ELP4: variants seen among roughly 807,000 people sequenced by gnomAD.
ELP4 encodes the protein elongator complex protein 4.
In ELP4, 51 loss-of-function variants were observed where a neutral mutation model predicts 48.9. The observed-to-expected ratio is 1.04, with a 90% CI of 0.83 to 1.32. The LOEUF (loss-of-function observed/expected upper bound fraction) is 1.32, where lower values mean the gene tolerates loss of function less well. ELP4 is among the 40% of genes most tolerant of loss of function. ELP4 has a pLI of 0.00. For synonymous variants in ELP4, 210 were observed against 189.2 expected, an observed-to-expected ratio of 1.11 and a Z score of -0.90; for missense variants, 519 against 514.6, an observed-to-expected ratio of 1.01 and a Z score of -0.08.
intron 9 of ELP4, among the ~76,000 whole-genome samples, chr11:31,662,307 A>T (rs138055572): frequency 6.6e-6 from 1 of 152,252 alleles, no homozygotes; most frequent in East Asian, 1.9e-4. Flanking sequence ...TCACATTCCA[A>T]TCATTTCATT....
At chr11:31,783,343 T>C in intron 9 of ELP4, 50 bp from the exon 10 acceptor site, 1 of 1,577,892 alleles carries the variant, frequency 6.3e-7, no homozygotes, top group South Asian at 1.1e-5. Context: ...CAAAATTAAT[T>C]TTTTTTCTTC....
chr11:31,719,323 T>A (rs1412942037), intron 9 of ELP4: 1 of 391,376 alleles, frequency 2.6e-6, no homozygotes, highest in Non-Finnish European at 4.5e-6. Context: ...CTGTGGTAGT[T>A]TGAAGTATGT....
intron 4 of ELP4, among the ~76,000 whole-genome samples, chr11:31,600,950 T>C (rs1957769484): frequency 6.6e-6 from 1 of 152,158 alleles, no homozygotes; most frequent in Non-Finnish European, 1.5e-5. Flanking sequence ...CATCATAAAT[T>C]TTTACTGAAC....
At chr11:31,517,157 G>C (rs1003001485) in intron 1 of ELP4, among the ~76,000 whole-genome samples, 19 of 151,364 alleles carry the variant, frequency 1.3e-4, no homozygotes, top group Non-Finnish European at 2.9e-5. Flanking sequence ...ATGCTTTTTT[G>C]CAAGGCAAAA....
intron 3 of ELP4, among the ~76,000 whole-genome samples, chr11:31,555,366 A>C (rs577538656): frequency 6.8e-4 from 103 of 152,200 alleles, no homozygotes; most frequent in Non-Finnish European, 1.3e-3. Context: ...ATCTGAAAAT[A>C]TATCTGGTTT....
chr11:31,641,876 T>C (rs1336057429), intron 7 of ELP4, among the ~76,000 whole-genome samples: 4 of 151,974 alleles, frequency 2.6e-5, no homozygotes, highest in African/African-American at 4.8e-5. Flanking sequence ...AGCTGGATGC[T>C]CTGTTTGATA....
At chr11:31,686,335 T>G (rs1194051588) in intron 9 of ELP4, among the ~76,000 whole-genome samples, 1 of 142,996 alleles carries the variant, frequency 7.0e-6, no homozygotes, top group African/African-American at 3.0e-5. Context: ...TTGGTTTTTT[T>G]TTTTTTTTTT....
intron 9 of ELP4, among the ~76,000 whole-genome samples, chr11:31,672,226 T>C (rs1945825361): frequency 6.6e-6 from 1 of 152,218 alleles, no homozygotes; most frequent in African/African-American, 2.4e-5. Flanking sequence ...AGCATAACTG[T>C]ACTCTATACT....
At chr11:31,557,783 T>C (rs1956953427) in intron 3 of ELP4, among the ~76,000 whole-genome samples, 1 of 152,088 alleles carries the variant, frequency 6.6e-6, no homozygotes, top group African/African-American at 2.4e-5. Flanking sequence ...GTGTATCATG[T>C]TATAAACAAT....
At chr11:31,703,841 G>A (rs927136362) in intron 9 of ELP4, among the ~76,000 whole-genome samples, 3 of 152,110 alleles carry the variant, frequency 2.0e-5, no homozygotes, top group South Asian at 4.1e-4. Context: ...TTCTCAAATT[G>A]TTTGAAACTG....
intron 9 of ELP4, among the ~76,000 whole-genome samples, chr11:31,673,784 A>G (rs1256889311): frequency 2.0e-5 from 3 of 152,218 alleles, no homozygotes; most frequent in African/African-American, 4.8e-5. Context: ...CTGGTAATCT[A>G]TGTTTAAACA....
intron 9 of ELP4, among the ~76,000 whole-genome samples, chr11:31,666,892 TAA>T (rs1029411709): frequency 6.6e-6 from 1 of 152,110 alleles, no homozygotes; most frequent in African/African-American, 2.4e-5. Context: ...AAAGAGTGAT[TAA>T]AAGACTTACT....
At chr11:31,711,121 T>C (rs1946734704) in intron 9 of ELP4, among the ~76,000 whole-genome samples, 1 of 152,252 alleles carries the variant, frequency 6.6e-6, no homozygotes, top group South Asian at 2.1e-4. Flanking sequence ...AAGTCTTTTA[T>C]ATTACGCTTG....
At chr11:31,711,702 G>T (rs1946746746) in intron 9 of ELP4, among the ~76,000 whole-genome samples, 1 of 151,792 alleles carries the variant, frequency 6.6e-6, no homozygotes, top group Non-Finnish European at 1.5e-5. Context: ...CAAATATTTT[G>T]ACCAAACTAA....
intron 9 of ELP4, among the ~76,000 whole-genome samples, chr11:31,775,504 G>A (rs776476326): frequency 3.3e-5 from 5 of 152,156 alleles, no homozygotes; most frequent in African/African-American, 4.8e-5. Context: ...ATTTGGACAG[G>A]GAATTCTGAG....
intron 3 of ELP4, among the ~76,000 whole-genome samples, chr11:31,590,568 T>A (rs1237265137): frequency 6.6e-6 from 1 of 152,170 alleles, no homozygotes; most frequent in Non-Finnish European, 1.5e-5. Context: ...AAGTTGGGTG[T>A]ATTCGGCCAT....
At chr11:31,601,915 C>T (rs1957791672) in intron 4 of ELP4, among the ~76,000 whole-genome samples, 12 of 151,992 alleles carry the variant, frequency 7.9e-5, no homozygotes, top group Admixed American at 7.9e-4. Flanking sequence ...ATCCTAGTCT[C>T]CACCCAGTTT....
chr11:31,532,874 C>G (rs905615985), intron 2 of ELP4, among the ~76,000 whole-genome samples: 35 of 149,020 alleles, frequency 2.3e-4, no homozygotes, highest in African/African-American at 8.4e-4. Context: ...CGGATTTAAG[C>G]AATTCTCCTG....
rs918274735 is a variant in ELP4, at chr11:31,539,555, G to T, written c.260-107G>T. The T allele has an allele frequency of 1.1e-5, 13 of 1,205,450 alleles. No homozygotes were observed. The Admixed American group carries it at 1.2e-4, about 11-fold the overall frequency. The allele number at this position is 1,205,450 out of a possible 1,614,324, so 74.7% of individuals were successfully genotyped here. ...AGTTTTTGTTCCACCTCATATACTTGTTTTAAGGAAAAAAAATATAAAAAC... is the reference window on the plus strand; with the variant it reads ...AGTTTTTGTTCCACCTCATATACTTTTTTTAAGGAAAAAAAATATAAAAAC... On this transcript the variant is annotated intron_variant, in intron 2 of 9. Transcript: ENST00000640961.
Sources: gnomAD v4.1 joint callset for allele counts (sites outside exome capture counted in the v4.1 genomes callset) on GRCh38, gnomAD v4.1.1 for gene constraint, MANE v1.5 for transcripts, NCBI Gene and HGNC (gene_info 2026-07-23, HGNC 2026-07-21) for gene names.